The following PWWP2B variants were observed in gnomAD, a reference collection of about 807,000 sequenced individuals.
PWWP2B encodes the protein PWWP domain containing 2B.
PWWP2B carries 9 observed loss-of-function variants against 15.5 expected under a neutral mutation model. The observed-to-expected ratio is 0.58, with a 90% CI of 0.35 to 1.02. The LOEUF is 1.02. Ranked by LOEUF, PWWP2B falls within the 50% of genes least tolerant of loss-of-function variation. The pLI, the probability that PWWP2B is intolerant of heterozygous loss-of-function variation, is 0.02. For synonymous variants in PWWP2B, 474 were observed against 403.6 expected, an observed-to-expected ratio of 1.17 and a Z score of -2.09; for missense variants, 864 against 865.3, an observed-to-expected ratio of 1.00 and a Z score of 0.02.
At chr10:132,411,004 C>G (rs1206562162) in intron 2 of PWWP2B, among the ~76,000 whole-genome samples, 1 of 152,224 alleles carries the variant, frequency 6.6e-6, no homozygotes, top group African/African-American at 2.4e-5. Context: ...TTCTGCGCCA[C>G]TGGACGGTCA....
At chr10:132,406,513 G>T (rs1385602300) in intron 2 of PWWP2B, among the ~76,000 whole-genome samples, 1 of 152,270 alleles carries the variant, frequency 6.6e-6, no homozygotes, top group Non-Finnish European at 1.5e-5. Flanking sequence ...GCCAGCCACC[G>T]CTGGTGCTTG....
intron 2 of PWWP2B, among the ~76,000 whole-genome samples, chr10:132,416,206 G>A (rs1481464335): frequency 1.3e-5 from 2 of 152,170 alleles, no homozygotes; most frequent in African/African-American, 4.8e-5. Flanking sequence ...GCCCTGCTGT[G>A]GTCAGGCAGG....
intron 2 of PWWP2B, among the ~76,000 whole-genome samples, chr10:132,406,796 C>T (rs2069706015): frequency 1.3e-5 from 2 of 152,188 alleles, no homozygotes; most frequent in Admixed American, 1.3e-4. Context: ...GAGCTTCCCA[C>T]CCTCAGATGA....
At position 132,417,178 on chromosome 10, in the gene PWWP2B, G is replaced by A; in HGVS notation, c.*134G>A. 4 of 1,367,004 alleles carry A rather than the reference G, an allele frequency of 2.9e-6. No homozygotes were observed. The highest frequency in any genetic ancestry group is 4.2e-6 in the Non-Finnish European group (4 of 959,434). 84.7% of individuals were successfully genotyped at this position (1,367,004 alleles called of 1,614,324 possible). On this transcript the variant is annotated 3_prime_UTR_variant, in exon 3 of 3. Transcript: ENST00000305233. ...CACTGGGCACGGTGGTCGGCCTGGT[G>A]TGAGGCCCCCCGGGGACCGGCAGTG...
At chr10:132,409,756 A>G (rs2069754187) in intron 2 of PWWP2B, among the ~76,000 whole-genome samples, 4 of 152,146 alleles carry the variant, frequency 2.6e-5, no homozygotes, top group Admixed American at 2.6e-4. Context: ...GCATAATCAC[A>G]CACAGGAACT....
At chr10:132,415,010 C>G (rs1458849959) in intron 2 of PWWP2B, among the ~76,000 whole-genome samples, 2 of 152,244 alleles carry the variant, frequency 1.3e-5, no homozygotes, top group African/African-American at 4.8e-5. Flanking sequence ...TTGTGTCAAT[C>G]TTACTATGTA....
At position 132,415,264 on chromosome 10, in the gene PWWP2B, TCACA is replaced by T. The variant is rs546945199; in HGVS notation, c.*17-1794_*17-1791del. ...CACATCCACTCACACACACACCCGC[TCACA>T]CATTCACATCCACTCTCACACACAT... is the stretch of plus-strand genomic sequence containing the variant. On this transcript the variant is annotated intron_variant, in intron 2 of 2. Coordinates refer to ENST00000305233, the MANE Select transcript of PWWP2B (RefSeq NM_138499.4). Among the ~76,000 whole-genome samples the T allele has an allele frequency of 3.3e-5, 3 of 92,030 alleles. 1 individual carries two copies. The highest frequency in any genetic ancestry group is 7.5e-4 in the South Asian group (2 of 2,674). 60.4% of individuals were successfully genotyped at this position (92,030 alleles called of 152,430 possible). A position where few individuals can be genotyped will look rare whatever the true frequency, so the allele number is the denominator to read the frequency against.
At chr10:132,415,300 TCA>T (rs1449669769) in intron 2 of PWWP2B, among the ~76,000 whole-genome samples, 1 of 125,288 alleles carries the variant, frequency 8.0e-6, no homozygotes, top group Middle Eastern at 6.2e-3. Flanking sequence ...ACATATCCAC[TCA>T]CACTCACACA....
Position 132,405,070 on chromosome 10 carries a change from C to A in PWWP2B, c.570C>A (p.Ala190=). ...AGAGCACGCTGAGCCCCCCGGAGGC[C>A]AGCCCCGGACCCCCAGCCGCGCCCA... ...KCKSTLSPPE[A]SPGPPAAPRA... Residue 190 remains alanine (A), a synonymous_variant, in exon 2 of 3, where the codon GCC becomes GCA. Transcript: ENST00000305233. The A allele has an allele frequency of 6.6e-7, 1 of 1,520,536 alleles. No homozygotes were observed. The highest frequency in any genetic ancestry group is 1.2e-5 in the South Asian group (1 of 82,116). The allele number at this position is 1,520,536 out of a possible 1,614,324, so 94.2% of individuals were successfully genotyped here.
Position 132,405,450 on chromosome 10 carries a change from A to C in PWWP2B, c.950A>C (p.Lys317Thr). Residue 317 changes from lysine (K) to threonine (T), a missense_variant, in exon 2 of 3, where the codon AAA becomes ACA. By Grantham distance (78) the Lys-to-Thr change is moderately conservative. Transcript: ENST00000305233. ...CAPSASIPKL[K>T]LTRPVPAGAD... Reference sequence around the variant, plus strand: ...CCCTCGGCCTCCATCCCCAAGTTGAAACTGACACGGCCTGTGCCGGCCGGC... The same window carrying C: ...CCCTCGGCCTCCATCCCCAAGTTGACACTGACACGGCCTGTGCCGGCCGGC... 1 of 1,608,912 alleles carries C rather than the reference A, an allele frequency of 6.2e-7. No individual in the cohort carries two copies.
Position 132,408,582 on chromosome 10 carries a change from G to A in PWWP2B, c.*16+2293G>A, listed in dbSNP as rs939925717. Among the ~76,000 whole-genome samples, 3 of 152,188 alleles carry A rather than the reference G, an allele frequency of 2.0e-5. No homozygotes were observed. The East Asian group carries it at 5.8e-4, about 29-fold the overall frequency. ...GTCGTCCTCCCAGCTCCCGCCCACCGGCCACCCTGGCCTGGCCCCAGCCGC... is the reference window on the plus strand; with the variant it reads ...GTCGTCCTCCCAGCTCCCGCCCACCAGCCACCCTGGCCTGGCCCCAGCCGC... On this transcript the variant is annotated intron_variant, in intron 2 of 2. Coordinates refer to ENST00000305233, the MANE Select transcript of PWWP2B (RefSeq NM_138499.4).
intron 2 of PWWP2B, among the ~76,000 whole-genome samples, chr10:132,414,609 C>T (rs553177942): frequency 6.6e-6 from 1 of 152,204 alleles, no homozygotes; most frequent in Admixed American, 6.5e-5. Context: ...ATTCCGGGGT[C>T]GGCCTCTACC....
intron 2 of PWWP2B, among the ~76,000 whole-genome samples, chr10:132,411,957 G>A (rs561127391): frequency 2.0e-5 from 3 of 152,358 alleles, no homozygotes; most frequent in South Asian, 2.1e-4. Flanking sequence ...CAGGTCCCAC[G>A]TGAAGGTTGT....
In PWWP2B at chr10:132,404,844, C is replaced by T. The variant is rs1467509249; in HGVS notation, c.344C>T (p.Pro115Leu). ...CCGCCGCTGCCCGCCGGAAGCCTGCCCCCGTACCCTCCCTACTTCGAAGGC... is the reference window on the plus strand; with the variant it reads ...CCGCCGCTGCCCGCCGGAAGCCTGCTCCCGTACCCTCCCTACTTCGAAGGC... Reference protein sequence around the residue: ...LVPPLPAGSLPPYPPYFEGAP... With the variant: ...LVPPLPAGSLLPYPPYFEGAP... The change falls in exon 2 of 3, where the codon CCC (proline) becomes CTC (leucine). Residue 115 changes from proline (P) to leucine (L), a missense_variant. By Grantham distance (98) the Pro-to-Leu change is moderately conservative. Around this residue, in one of 2 missense-constraint regions of PWWP2B, gnomAD observed 736 missense variants for 687.7 expected, o/e 1.07. Coordinates refer to ENST00000305233, the MANE Select transcript of PWWP2B (RefSeq NM_138499.4). 1 of 1,584,424 alleles carries T rather than the reference C, an allele frequency of 6.3e-7. No individual in the cohort carries two copies. Among genetic ancestry groups the T allele is most frequent in the Admixed American group, 1.7e-5 (1 of 59,176 alleles).
chr10:132,415,693 A>C (rs1383382041), intron 2 of PWWP2B, among the ~76,000 whole-genome samples: 1 of 145,174 alleles, frequency 6.9e-6, no homozygotes, highest in Non-Finnish European at 1.5e-5. Context: ...CCACACACAC[A>C]TGCACTCTCA....
At chr10:132,413,719 C>A (rs1432132612) in intron 2 of PWWP2B, among the ~76,000 whole-genome samples, 3 of 152,250 alleles carry the variant, frequency 2.0e-5, no homozygotes, top group Non-Finnish European at 4.4e-5. Flanking sequence ...GCTTCTCCTC[C>A]CCGCCCCTCG....
rs200622259 is a variant in PWWP2B, at chr10:132,405,316, C to T, written c.816C>T (p.Arg272=). ...GAGAGGTGGTCAAGATCCCCTCCCGCGTGCACGGCTCTCTGGAGCCCTTCC... is the reference window on the plus strand; with the variant it reads ...GAGAGGTGGTCAAGATCCCCTCCCGTGTGCACGGCTCTCTGGAGCCCTTCC... ...GKGEVVKIPS[R]VHGSLEPFRP... is the part of the protein sequence containing the mutation. The change falls in exon 2 of 3, where the codon CGC becomes CGT. Residue 272 remains arginine, a synonymous_variant. Coordinates refer to ENST00000305233, the MANE Select transcript of PWWP2B (RefSeq NM_138499.4). The T allele has an allele frequency of 8.1e-6, 13 of 1,612,206 alleles. No homozygotes were observed. Among genetic ancestry groups the T allele is most frequent in the South Asian group, 4.4e-5 (4 of 91,080 alleles).
At chr10:132,401,688 G>A (rs971055404) in intron 1 of PWWP2B, among the ~76,000 whole-genome samples, 6 of 152,242 alleles carry the variant, frequency 3.9e-5, no homozygotes, top group East Asian at 1.9e-4. Flanking sequence ...TGCCAGCGCC[G>A]TCCCCGTGCC....
intron 2 of PWWP2B, among the ~76,000 whole-genome samples, chr10:132,415,413 T>C (rs985853396): frequency 1.0e-4 from 14 of 136,146 alleles, no homozygotes; most frequent in Non-Finnish European, 1.7e-4. Flanking sequence ...CCACTCACAC[T>C]CATTTACACA....
Sources: gnomAD v4.1 joint callset for allele counts (sites outside exome capture counted in the v4.1 genomes callset) on GRCh38, gnomAD v4.1.1 for gene constraint, gnomAD v4.1.1 regional missense constraint, MANE v1.5 for transcripts, NCBI Gene and HGNC (gene_info 2026-07-23, HGNC 2026-07-21) for gene names.